Variants in GPM6B observed in about 807,000 individuals in gnomAD.
The protein encoded by GPM6B is glycoprotein M6B.
Under a neutral mutation model 27.2 loss-of-function variants are expected in GPM6B, and 4 were observed. That is an observed-to-expected ratio of 0.15 (90% confidence interval 0.07 to 0.34). The LOEUF is 0.34. GPM6B is among the 10% of genes least tolerant of loss of function. GPM6B has a pLI of 1.00. For synonymous variants in GPM6B, 124 were observed against 103.1 expected (o/e 1.20, Z -1.23); for missense variants, 183 against 261.9 (o/e 0.70, Z 2.08).
intron 1 of GPM6B, among the ~76,000 whole-genome samples, chrX:13,887,426 G>A (rs944672234): frequency 7.2e-5 from 8 of 111,768 alleles, no homozygotes; most frequent in African/African-American, 2.0e-4. Flanking sequence ...AGGCAACAGC[G>A]TCCACAGGAA....
intron 2 of GPM6B, among the ~76,000 whole-genome samples, chrX:13,787,208 T>C (rs2048630044): frequency 9.0e-6 from 1 of 111,432 alleles, no homozygotes; most frequent in Non-Finnish European, 1.9e-5. Flanking sequence ...GAAAACTCAT[T>C]ACTAGATTTC....
intron 1 of GPM6B, among the ~76,000 whole-genome samples, chrX:13,905,230 CAAAA>C (rs199791285): frequency 1.5e-5 from 1 of 64,745 alleles, no homozygotes; most frequent in African/African-American, 5.6e-5. Context: ...GGCCCTGTCT[CAAAA>C]AAAAAAAAAA....
intron 3 of GPM6B, 160 bp from the exon 4 acceptor site, chrX:13,783,681 C>G (rs1290008907): frequency 2.1e-6 from 1 of 483,732 alleles, no homozygotes; most frequent in Non-Finnish European, 3.6e-6. Context: ...TGGGCGGCAT[C>G]CCTGCCCATG....
intron 1 of GPM6B, among the ~76,000 whole-genome samples, chrX:13,810,849 C>T (rs1324185386): frequency 1.8e-5 from 2 of 110,492 alleles, no homozygotes; most frequent in Non-Finnish European, 3.8e-5. Context: ...TCTGGAGGGG[C>T]CTTTTTACAA....
At chrX:13,894,611 A>G (rs1219812016) in intron 1 of GPM6B, among the ~76,000 whole-genome samples, 1 of 112,376 alleles carries the variant, frequency 8.9e-6, no homozygotes, top group Non-Finnish European at 1.9e-5. Context: ...CCTTGTTACA[A>G]ATTAAATCAT....
At chrX:13,816,170 A>T (rs1250040543) in intron 1 of GPM6B, among the ~76,000 whole-genome samples, 2 of 111,788 alleles carry the variant, frequency 1.8e-5, no homozygotes, top group Admixed American at 1.9e-4. Flanking sequence ...TCTGTATATG[A>T]AAATTGTGGT....
At chrX:13,846,445 A>C (rs1201758231) in intron 1 of GPM6B, among the ~76,000 whole-genome samples, 1 of 111,088 alleles carries the variant, frequency 9.0e-6, no homozygotes, top group Non-Finnish European at 1.9e-5. Flanking sequence ...ATCTCTGAAC[A>C]CTCAGAGCAA....
chrX:13,846,358 C>T (rs749632134), intron 1 of GPM6B, among the ~76,000 whole-genome samples: 39 of 110,366 alleles, frequency 3.5e-4, no homozygotes, highest in Non-Finnish European at 6.8e-4. Flanking sequence ...TTCCAGTCCA[C>T]TTCTTAGAAA....
rs560339343 is a variant in GPM6B, at chrX:13,805,992, CTTT to C, written c.181+1655_181+1657del. 4.6e-3 allele frequency among the ~76,000 whole-genome samples: 496 copies of C among 108,670 alleles called. 2 individuals are homozygous for C. The highest frequency in any genetic ancestry group is 7.4e-3 in the Non-Finnish European group (386 of 51,944). The allele number at this position is 108,670 out of a possible 115,157, so 94.4% of individuals were successfully genotyped here. The stretch of plus-strand genomic sequence containing the variant: ...GCACATCTCATGGTTTTTTTTGCTG[CTTT>C]TTTTTTCAAAAGCAGCTTTACTGAG... On this transcript the variant is annotated intron_variant, in intron 2 of 7. Transcript: ENST00000316715.
intron 1 of GPM6B, among the ~76,000 whole-genome samples, chrX:13,923,315 C>T (rs1489299365): frequency 8.9e-6 from 1 of 111,909 alleles, no homozygotes; most frequent in African/African-American, 3.2e-5. Context: ...CAGGGAATGG[C>T]AGCACCCTGT....
intron 1 of GPM6B, among the ~76,000 whole-genome samples, chrX:13,827,788 C>T (rs2049393530): frequency 1.8e-5 from 2 of 112,226 alleles, no homozygotes; most frequent in East Asian, 2.8e-4. Flanking sequence ...GCAGAAGTAG[C>T]GATAAAGATG....
At chrX:13,844,224 C>A (rs1289007946) in intron 1 of GPM6B, among the ~76,000 whole-genome samples, 5 of 112,273 alleles carry the variant, frequency 4.5e-5, no homozygotes, top group Non-Finnish European at 7.5e-5. Context: ...AGGGTTATTT[C>A]TGGACTCTCA....
chrX:13,862,616 A>G (rs1196376402), intron 1 of GPM6B, among the ~76,000 whole-genome samples: 2 of 112,467 alleles, frequency 1.8e-5, no homozygotes, highest in Non-Finnish European at 3.8e-5. Flanking sequence ...AGCAATGAGA[A>G]AAGTATTATG....
At chrX:13,805,284 T>C (rs1310412009) in intron 2 of GPM6B, among the ~76,000 whole-genome samples, 3 of 111,933 alleles carry the variant, frequency 2.7e-5, no homozygotes, top group African/African-American at 9.7e-5. Context: ...CATTATGGAA[T>C]TCCAAAAAAC....
Position 13,785,580 on chromosome X carries a change from G to A in GPM6B, c.368+42C>T, listed in dbSNP as rs762037021. The A allele has an allele frequency of 2.4e-5, 28 of 1,152,596 alleles. No homozygotes were observed. In the South Asian group the frequency reaches 3.3e-4, roughly 14 times the overall value. 95.0% of individuals were successfully genotyped at this position (1,152,596 alleles called of 1,213,427 possible). On this transcript the variant is annotated intron_variant, in intron 3 of 7. Coordinates refer to ENST00000316715, the MANE Select transcript of GPM6B (RefSeq NM_001001995.3). ...TGGGATGACAGGCATGAGCCACCAC[G>A]CCAGGCCTTAGATGCATTTTTAAAG... is the stretch of plus-strand genomic sequence containing the variant.
chrX:13,924,236 A>G (rs1399262116), intron 1 of GPM6B, among the ~76,000 whole-genome samples: 1 of 112,460 alleles, frequency 8.9e-6, no homozygotes, highest in African/African-American at 3.2e-5. Context: ...CCATCCTTCT[A>G]TTACAAGCTT....
intron 1 of GPM6B, among the ~76,000 whole-genome samples, chrX:13,924,706 C>T (rs1921085567): frequency 8.9e-6 from 1 of 111,771 alleles, no homozygotes; most frequent in Non-Finnish European, 1.9e-5. Flanking sequence ...ATCTTCAGGA[C>T]TCCTGTGGAC....
intron 3 of GPM6B, among the ~76,000 whole-genome samples, chrX:13,785,186 TA>T (rs1471450857): frequency 8.9e-5 from 10 of 112,078 alleles, no homozygotes; most frequent in African/African-American, 3.2e-4. Context: ...TTTTTCTAAC[TA>T]CATAAAGTGA....
At chrX:13,931,650 T>A (rs1450823498) in intron 1 of GPM6B, among the ~76,000 whole-genome samples, 1 of 111,945 alleles carries the variant, frequency 8.9e-6, no homozygotes, top group Non-Finnish European at 1.9e-5. Flanking sequence ...AATACTTCCC[T>A]TCCTTCTCAA....
Sources: allele counts gnomAD v4.1 joint callset (sites outside exome capture counted in the v4.1 genomes callset), GRCh38; gene constraint gnomAD v4.1.1; transcripts MANE v1.5; gene names NCBI Gene and HGNC (gene_info 2026-07-23, HGNC 2026-07-21).